Variants in PLCL1 observed in about 807,000 individuals in gnomAD.
The protein encoded by PLCL1 is inactive phospholipase C-like protein 1.
A neutral mutation model predicts 84.4 loss-of-function variants in PLCL1; 41 were observed. That is an observed-to-expected ratio of 0.49 (90% CI 0.38 to 0.63). PLCL1 has a LOEUF of 0.63. PLCL1 is among the 30% of genes least tolerant of loss of function. The pLI, the probability that PLCL1 is intolerant of heterozygous loss-of-function variation, is 0.00. For synonymous variants in PLCL1, 490 were observed against 488.3 expected (o/e 1.00, Z -0.05); for missense variants, 1,206 against 1,367.8 (o/e 0.88, Z 1.87).
intron 1 of PLCL1, among the ~76,000 whole-genome samples, chr2:198,004,385 T>C (rs2105823673): frequency 6.6e-6 from 1 of 152,320 alleles, no homozygotes; most frequent in South Asian, 2.1e-4. Flanking sequence ...ACATTCTGAA[T>C]GAATTTGTCA....
chr2:197,824,384 A>G (rs1196242079), intron 1 of PLCL1, among the ~76,000 whole-genome samples: 1 of 151,590 alleles, frequency 6.6e-6, no homozygotes, highest in Non-Finnish European at 1.5e-5. Context: ...CCCTGGAATT[A>G]TGGCCATTTT....
At chr2:198,072,329 A>T (rs963706819) in intron 1 of PLCL1, among the ~76,000 whole-genome samples, 16 of 151,622 alleles carry the variant, frequency 1.1e-4, no homozygotes, top group Admixed American at 1.1e-3. Flanking sequence ...TATTTATATT[A>T]TATTTTGCCA....
At chr2:198,068,172 A>C (rs1418913262) in intron 1 of PLCL1, among the ~76,000 whole-genome samples, 1 of 152,144 alleles carries the variant, frequency 6.6e-6, no homozygotes, top group Non-Finnish European at 1.5e-5. Flanking sequence ...TTCATTGTAA[A>C]GTGTTTAGTG....
intron 5 of PLCL1, among the ~76,000 whole-genome samples, chr2:198,132,910 A>G (rs1055660917): frequency 1.3e-5 from 2 of 151,758 alleles, no homozygotes; most frequent in Non-Finnish European, 2.9e-5. Context: ...GCCCATGCCT[A>G]TGTCCTGAAT....
chr2:197,963,361 C>G (rs1431671646), intron 1 of PLCL1, among the ~76,000 whole-genome samples: 3 of 152,078 alleles, frequency 2.0e-5, no homozygotes, highest in Non-Finnish European at 2.9e-5. Context: ...TTTTTATATG[C>G]CTGTTTGCCT....
intron 3 of PLCL1, among the ~76,000 whole-genome samples, chr2:198,094,812 C>T (rs564556112): frequency 7.9e-5 from 12 of 152,110 alleles, no homozygotes; most frequent in Admixed American, 2.6e-4. Context: ...AATTTGCTTA[C>T]GGGCAGCCCT....
intron 1 of PLCL1, among the ~76,000 whole-genome samples, chr2:197,917,968 CG>C (rs1336296264): frequency 6.6e-6 from 1 of 151,866 alleles, no homozygotes; most frequent in African/African-American, 2.4e-5. Flanking sequence ...AAAATAGATC[CG>C]TGAGTCCATA....
At chr2:198,105,716 G>A (rs1186654418) in intron 5 of PLCL1, among the ~76,000 whole-genome samples, 1 of 151,082 alleles carries the variant, frequency 6.6e-6, no homozygotes. Context: ...AATGCTTCTG[G>A]GGAAGATTCC....
chr2:197,886,529 T>G (rs1687927806), intron 1 of PLCL1, among the ~76,000 whole-genome samples: 1 of 151,062 alleles, frequency 6.6e-6, no homozygotes, highest in African/African-American at 2.4e-5. Context: ...CTCCCTGGAT[T>G]GTCAGTTTAT....
At chr2:198,107,849 A>G (rs959471779) in intron 5 of PLCL1, among the ~76,000 whole-genome samples, 3 of 151,872 alleles carry the variant, frequency 2.0e-5, no homozygotes, top group Non-Finnish European at 4.4e-5. Flanking sequence ...GTGGACTACT[A>G]CTAAACAAGA....
chr2:198,028,523 T>G (rs1382225761), intron 1 of PLCL1, among the ~76,000 whole-genome samples: 3 of 152,232 alleles, frequency 2.0e-5, no homozygotes, highest in Non-Finnish European at 4.4e-5. Flanking sequence ...GAATTACTTT[T>G]ACTCTTCAGA....
At chr2:197,923,248 CG>C (rs1432759988) in intron 1 of PLCL1, among the ~76,000 whole-genome samples, 1 of 145,444 alleles carries the variant, frequency 6.9e-6, no homozygotes, top group Admixed American at 6.8e-5. Context: ...GCTGGCCGGG[CG>C]GGGGGCTGAC....
chr2:197,916,068 T>C (rs1372599450), intron 1 of PLCL1, among the ~76,000 whole-genome samples: 1 of 152,252 alleles, frequency 6.6e-6, no homozygotes, highest in Non-Finnish European at 1.5e-5. Context: ...GTCCTAACCA[T>C]TAAATTCTTG....
chr2:197,988,333 G>A (rs1161365770), intron 1 of PLCL1, among the ~76,000 whole-genome samples: 2 of 152,002 alleles, frequency 1.3e-5, no homozygotes, highest in Non-Finnish European at 2.9e-5. Flanking sequence ...CCTATCACCC[G>A]AGCAGTGTAC....
At chr2:197,958,406 G>A (rs1689534867) in intron 1 of PLCL1, among the ~76,000 whole-genome samples, 1 of 151,682 alleles carries the variant, frequency 6.6e-6, no homozygotes, top group South Asian at 2.1e-4. Context: ...TTTTAAGAAA[G>A]TTTACGAATT....
At chr2:198,139,246 A>C (rs1694328145) in intron 5 of PLCL1, among the ~76,000 whole-genome samples, 1 of 151,930 alleles carries the variant, frequency 6.6e-6, no homozygotes, top group Non-Finnish European at 1.5e-5. Flanking sequence ...TTTTCTTTCC[A>C]CAGTGAGGGT....
chr2:197,810,290 G>A (rs1690557394), intron 1 of PLCL1: 1 of 1,275,206 alleles, frequency 7.8e-7, no homozygotes, highest in Non-Finnish European at 1.0e-6. Flanking sequence ...ATTTCTTATA[G>A]CACCTCTCAA....
At chr2:197,859,818 T>C (rs1201734257) in intron 1 of PLCL1, among the ~76,000 whole-genome samples, 1 of 152,204 alleles carries the variant, frequency 6.6e-6, no homozygotes, top group Non-Finnish European at 1.5e-5. Flanking sequence ...CATTCTATGA[T>C]ATAAGCACAA....
chr2:198,044,034 T>G (rs941536891), intron 1 of PLCL1, among the ~76,000 whole-genome samples: 1 of 152,178 alleles, frequency 6.6e-6, no homozygotes, highest in Non-Finnish European at 1.5e-5. Context: ...TATCTTTTAC[T>G]AAGTCTACCA....
Sources: gnomAD v4.1 joint callset for allele counts (sites outside exome capture counted in the v4.1 genomes callset) on GRCh38, gnomAD v4.1.1 for gene constraint, MANE v1.5 for transcripts, NCBI Gene and HGNC (gene_info 2026-07-23, HGNC 2026-07-21) for gene names.